The following TRPM3 variants were observed in gnomAD, a reference collection of about 807,000 sequenced individuals.
TRPM3 encodes long transient receptor potential channel 3.
TRPM3 carries 77 observed loss-of-function variants against 181.2 expected under a neutral mutation model. That is an observed-to-expected ratio of 0.42 (90% CI 0.35 to 0.51). The LOEUF is 0.51. Among genes scored for constraint, TRPM3 ranks in the 20% least tolerant of loss-of-function variants. TRPM3 has a pLI of 0.01. For synonymous variants in TRPM3, 745 were observed against 796.4 expected (o/e 0.94, Z 1.09); for missense variants, 1,759 against 2,196.7 (o/e 0.80, Z 3.98).
At chr9:70,664,023 A>T (rs2061473017) in intron 9 of TRPM3, among the ~76,000 whole-genome samples, 1 of 152,224 alleles carries the variant, frequency 6.6e-6, no homozygotes, top group Non-Finnish European at 1.5e-5. Context: ...TAAATAGATA[A>T]TATTATGTTA....
intron 1 of TRPM3, among the ~76,000 whole-genome samples, chr9:71,330,817 C>T (rs1299879989): frequency 6.6e-6 from 1 of 151,742 alleles, no homozygotes; most frequent in Non-Finnish European, 1.5e-5. Flanking sequence ...GAGGCAGAAC[C>T]TACTAAAACT....
At chr9:71,446,747 C>T in exon 1 of TRPM3, 4 of 1,550,574 alleles carry the variant, frequency 2.6e-6, no homozygotes, top group Non-Finnish European at 3.5e-6. Context: ...CCGGCTGGCG[C>T]TCCGGCTGCG....
At chr9:71,011,049 A>C (rs1360986173) in intron 1 of TRPM3, among the ~76,000 whole-genome samples, 1 of 152,136 alleles carries the variant, frequency 6.6e-6, no homozygotes, top group Non-Finnish European at 1.5e-5. Flanking sequence ...TAAGTGAAAT[A>C]AGCCAGGCAC....
At chr9:71,177,244 G>C (rs1419548328) in intron 1 of TRPM3, among the ~76,000 whole-genome samples, 1 of 152,012 alleles carries the variant, frequency 6.6e-6, no homozygotes, top group African/African-American at 2.4e-5. Flanking sequence ...GGCTCCTACT[G>C]ATTCTACATT....
chr9:70,823,366 C>T (rs1034701451), intron 6 of TRPM3, among the ~76,000 whole-genome samples: 17 of 148,196 alleles, frequency 1.1e-4, no homozygotes, highest in Non-Finnish European at 2.5e-4. Context: ...CAGATCCAGT[C>T]TTGGTTAGAA....
intron 1 of TRPM3, among the ~76,000 whole-genome samples, chr9:71,174,125 TA>T (rs1322611011): frequency 1.3e-5 from 2 of 152,028 alleles, no homozygotes; most frequent in African/African-American, 2.4e-5. Flanking sequence ...AAGTTAGAAA[TA>T]AAAAATCATT....
intron 21 of TRPM3, among the ~76,000 whole-genome samples, chr9:70,592,152 C>G (rs2058222674): frequency 6.6e-6 from 1 of 151,888 alleles, no homozygotes; most frequent in African/African-American, 2.4e-5. Context: ...GATTTTTTTT[C>G]TGGCCAGAAC....
At chr9:71,301,239 G>T (rs1369807151) in intron 1 of TRPM3, among the ~76,000 whole-genome samples, 1 of 152,126 alleles carries the variant, frequency 6.6e-6, no homozygotes, top group Non-Finnish European at 1.5e-5. Flanking sequence ...ACAGCACCCT[G>T]TCCAAGAGCA....
At chr9:70,665,047 G>A (rs1298597803) in intron 9 of TRPM3, among the ~76,000 whole-genome samples, 1 of 152,140 alleles carries the variant, frequency 6.6e-6, no homozygotes, top group East Asian at 1.9e-4. Context: ...TGATAGAATT[G>A]TAGCACCTGT....
At chr9:71,015,419 G>A (rs2097776694) in intron 1 of TRPM3, among the ~76,000 whole-genome samples, 1 of 152,170 alleles carries the variant, frequency 6.6e-6, no homozygotes, top group Admixed American at 6.5e-5. Context: ...TCAGCCAGGG[G>A]TTGGAATAAT....
At chr9:71,075,243 A>C (rs1209146628) in intron 1 of TRPM3, among the ~76,000 whole-genome samples, 1 of 152,084 alleles carries the variant, frequency 6.6e-6, no homozygotes, top group Non-Finnish European at 1.5e-5. Context: ...TAACTCAAAC[A>C]GATTATCATT....
intron 1 of TRPM3, among the ~76,000 whole-genome samples, chr9:71,319,823 A>G (rs1211905703): frequency 6.6e-6 from 1 of 152,140 alleles, no homozygotes; most frequent in East Asian, 1.9e-4. Flanking sequence ...TTACTACATG[A>G]AATGGGAAGG....
chr9:70,645,309 T>C, intron 9 of TRPM3, among the ~76,000 whole-genome samples: 1 of 152,164 alleles, frequency 6.6e-6, no homozygotes, highest in Non-Finnish European at 1.5e-5. Context: ...CTTCAAGCTA[T>C]ACTACAAGGC....
intron 1 of TRPM3, among the ~76,000 whole-genome samples, chr9:71,354,797 G>C (rs1273878404): frequency 6.6e-6 from 1 of 152,114 alleles, no homozygotes; most frequent in Non-Finnish European, 1.5e-5. Context: ...TAGGTAAAAG[G>C]GCTTGGTTTG....
intron 6 of TRPM3, chr9:70,826,548 G>T (rs947742597): frequency 3.3e-5 from 5 of 152,194 alleles, no homozygotes; most frequent in African/African-American, 4.8e-5. Flanking sequence ...GTCCCTAAAA[G>T]GTGGGACCAG....
intron 1 of TRPM3, among the ~76,000 whole-genome samples, chr9:71,368,936 A>G (rs1330325544): frequency 6.6e-6 from 1 of 152,234 alleles, no homozygotes; most frequent in East Asian, 1.9e-4. Context: ...ACATGGATCA[A>G]AGAAGAAATC....
chr9:71,235,370 C>T (rs967699289), intron 1 of TRPM3, among the ~76,000 whole-genome samples: 19 of 152,138 alleles, frequency 1.2e-4, no homozygotes, highest in African/African-American at 2.2e-4. Flanking sequence ...GCATTTTTTA[C>T]GCTTTATTGT....
intron 12 of TRPM3, among the ~76,000 whole-genome samples, chr9:70,634,256 C>T (rs2066459990): frequency 6.6e-6 from 1 of 152,106 alleles, no homozygotes; most frequent in Non-Finnish European, 1.5e-5. Context: ...CTTACAGGCA[C>T]ACACCACCAT....
At chr9:70,878,097 G>T (rs549217281) in intron 1 of TRPM3, among the ~76,000 whole-genome samples, 1 of 152,144 alleles carries the variant, frequency 6.6e-6, no homozygotes, top group Non-Finnish European at 1.5e-5. Context: ...TTGTGTGTAT[G>T]TATCTTATCC....
Sources: gnomAD v4.1 joint callset for allele counts (sites outside exome capture counted in the v4.1 genomes callset) on GRCh38, gnomAD v4.1.1 for gene constraint, MANE v1.5 for transcripts, NCBI Gene and HGNC (gene_info 2026-07-23, HGNC 2026-07-21) for gene names.